The following AIM2 variants were observed in gnomAD, a reference collection of about 807,000 sequenced individuals.
AIM2 encodes interferon-inducible protein AIM2.
In AIM2, 30 loss-of-function variants were observed where a neutral mutation model predicts 27.7. The ratio of observed to expected loss-of-function variants is 1.08; its 90% CI spans 0.81 to 1.47. The LOEUF (loss-of-function observed/expected upper bound fraction) is 1.47, where lower values mean the gene tolerates loss of function less well. Among genes scored for constraint, AIM2 ranks in the 40% most tolerant of loss-of-function variants. The pLI is 0.00. For missense variants in AIM2, 358 were observed against 411.3 expected (o/e 0.87, Z 1.12); for synonymous variants, 141 against 145.3 (o/e 0.97, Z 0.21).
intron 4 of AIM2, among the ~76,000 whole-genome samples, chr1:159,064,052 T>A (rs1655972076): frequency 6.6e-6 from 1 of 152,222 alleles, no homozygotes; most frequent in African/African-American, 2.4e-5. Context: ...AAATATGTGT[T>A]AAGTGACTGC....
intron 1 of AIM2, among the ~76,000 whole-genome samples, chr1:159,085,622 C>T (rs1385685678): frequency 6.6e-6 from 1 of 152,128 alleles, no homozygotes; most frequent in African/African-American, 2.4e-5. Flanking sequence ...GGGCAGCATC[C>T]AAATACAGAT....
downstream of AIM2, among the ~76,000 whole-genome samples, chr1:159,061,791 T>G (rs1208126696): frequency 6.6e-6 from 1 of 152,092 alleles, no homozygotes; most frequent in Non-Finnish European, 1.5e-5. Context: ...AATGGTACCT[T>G]TTGAAGAACA....
intron 1 of AIM2, among the ~76,000 whole-genome samples, chr1:159,120,214 G>T (rs1314015495): frequency 6.6e-6 from 1 of 152,026 alleles, no homozygotes; most frequent in Non-Finnish European, 1.5e-5. Context: ...AAACTACTGG[G>T]TTAAGTTTAC....
chr1:159,128,509 C>T (rs546446597), intron 1 of AIM2, among the ~76,000 whole-genome samples: 1 of 152,226 alleles, frequency 6.6e-6, no homozygotes, highest in South Asian at 2.1e-4. Context: ...CTCAGTTACT[C>T]CCACTCTTTT....
the AIM2 span, among the ~76,000 whole-genome samples, chr1:159,056,717 CAAAAAAAAAAAAAAAAAAA>C: frequency 2.3e-5 from 1 of 44,184 alleles, no homozygotes; most frequent in African/African-American, 7.9e-5. Context: ...GCCCAACCGG[CAAAAAAAAAAAAAAAAAAA>C]AAAAAAAAAA....
intron 1 of AIM2, among the ~76,000 whole-genome samples, chr1:159,120,795 T>C (rs1160864607): frequency 6.6e-6 from 1 of 152,118 alleles, no homozygotes; most frequent in African/African-American, 2.4e-5. Context: ...TAGAGAAGGC[T>C]GAAGGAGTCA....
chr1:159,102,577 C>T (rs1657340956), intron 1 of AIM2, among the ~76,000 whole-genome samples: 1 of 152,230 alleles, frequency 6.6e-6, no homozygotes, highest in African/African-American at 2.4e-5. Flanking sequence ...GGGAGCTGTA[C>T]CCTGCAAAGC....
Position 159,065,273 on chromosome 1 carries a change from G to A in AIM2, c.816+637C>T, listed in dbSNP as rs1170285431. Among the ~76,000 whole-genome samples, 5 of 152,104 alleles carry A rather than the reference G, an allele frequency of 3.3e-5. No individual in the cohort carries two copies. The South Asian group carries it at 8.3e-4, about 25-fold the overall frequency. On this transcript the variant is annotated intron_variant, in intron 4 of 5. Transcript: ENST00000368130. ...CTTCTAATAAGTATCCTGGAGGAGC[G>A]CCTCTGCCCCGCGGCCCTGTCTGGG...
chr1:159,117,345 G>A (rs566451707), intron 1 of AIM2, among the ~76,000 whole-genome samples: 11 of 152,276 alleles, frequency 7.2e-5, no homozygotes, highest in Admixed American at 6.5e-4. Context: ...GTGCTCTGGA[G>A]AAAAGGTATA....
At chr1:159,073,626 G>A (rs1656470504) in intron 1 of AIM2, 107 bp from the exon 2 acceptor site, 2 of 1,165,928 alleles carry the variant, frequency 1.7e-6, no homozygotes, top group Admixed American at 2.4e-5. Context: ...TAAAATATTT[G>A]CAGTAGTAAA....
chr1:159,069,565 C>T (rs1401332470), intron 2 of AIM2, among the ~76,000 whole-genome samples: 6 of 147,886 alleles, frequency 4.1e-5, no homozygotes, highest in Admixed American at 6.7e-5. Context: ...TTTTTTGAGA[C>T]GGAGTCTCAC....
upstream of AIM2, among the ~76,000 whole-genome samples, chr1:159,077,843 A>G (rs1656669020): frequency 6.6e-6 from 1 of 152,206 alleles, no homozygotes; most frequent in South Asian, 2.1e-4. Flanking sequence ...CTGAACATCT[A>G]ATATGATGTA....
intron 1 of AIM2, among the ~76,000 whole-genome samples, chr1:159,110,550 T>G (rs1350765213): frequency 1.3e-5 from 2 of 152,052 alleles, no homozygotes; most frequent in Non-Finnish European, 2.9e-5. Flanking sequence ...CCATTAAAAA[T>G]ATTAAGCAGA....
At chr1:159,124,486 AC>A (rs1346277067) in intron 1 of AIM2, among the ~76,000 whole-genome samples, 1 of 152,124 alleles carries the variant, frequency 6.6e-6, no homozygotes, top group Non-Finnish European at 1.5e-5. Flanking sequence ...CTATTGCTGT[AC>A]TCTGTAATCT....
At chr1:159,145,394 C>T (rs1648183626), upstream of AIM2, among the ~76,000 whole-genome samples, 1 of 152,200 alleles carries the variant, frequency 6.6e-6, no homozygotes. Flanking sequence ...TCTTTCCTCC[C>T]TCCTAGCCTG....
upstream of AIM2, among the ~76,000 whole-genome samples, chr1:159,144,455 T>A (rs1276452706): frequency 1.3e-5 from 2 of 152,212 alleles, no homozygotes; most frequent in Non-Finnish European, 2.9e-5. Flanking sequence ...AACTAGGTTT[T>A]AATTTAAAAT....
chr1:159,111,995 T>C (rs1055440778), intron 1 of AIM2, among the ~76,000 whole-genome samples: 1 of 151,862 alleles, frequency 6.6e-6, no homozygotes, highest in Non-Finnish European at 1.5e-5. Flanking sequence ...TGAGCCAAGA[T>C]TGCCCCACTG....
intron 1 of AIM2, among the ~76,000 whole-genome samples, chr1:159,110,188 G>C (rs567946259): frequency 6.6e-6 from 1 of 152,078 alleles, no homozygotes; most frequent in South Asian, 2.1e-4. Context: ...AGGATAAAGA[G>C]ACTGTAGTAT....
At chr1:159,097,764 G>A (rs914758469) in intron 1 of AIM2, among the ~76,000 whole-genome samples, 5 of 152,110 alleles carry the variant, frequency 3.3e-5, no homozygotes, top group Admixed American at 2.6e-4. Context: ...ACACTTAGAC[G>A]AATGCTTATT....
Sources: gnomAD v4.1 joint callset for allele counts (sites outside exome capture counted in the v4.1 genomes callset) on GRCh38, gnomAD v4.1.1 for gene constraint, MANE v1.5 for transcripts, NCBI Gene and HGNC (gene_info 2026-07-23, HGNC 2026-07-21) for gene names.